DNAH6: variants seen among roughly 807,000 people sequenced by gnomAD.
DNAH6 encodes axonemal beta dynein heavy chain 6.
In DNAH6, 340 loss-of-function variants were observed where a neutral mutation model predicts 491.4. That is an observed-to-expected ratio of 0.69 (90% CI 0.63 to 0.76). DNAH6 has a LOEUF of 0.76. DNAH6 is among the 30% of genes least tolerant of loss of function. The pLI is 0.00. For missense variants in DNAH6, 4,443 were observed against 4,972.2 expected (o/e 0.89, Z 3.20); for synonymous variants, 1,603 against 1,686.1 (o/e 0.95, Z 1.21).
the DNAH6 span, among the ~76,000 whole-genome samples, chr2:84,491,950 T>C: frequency 6.6e-6 from 1 of 152,220 alleles, no homozygotes; most frequent in South Asian, 2.1e-4. Context: ...CACATTCAGG[T>C]CTTCCCCGTT....
the DNAH6 span, among the ~76,000 whole-genome samples, chr2:84,504,469 G>A: frequency 6.6e-6 from 1 of 152,050 alleles, no homozygotes; most frequent in Non-Finnish European, 1.5e-5. Flanking sequence ...ATGCTAGTAC[G>A]TGTTCTTCAG....
intron 48 of DNAH6, among the ~76,000 whole-genome samples, chr2:84,700,372 G>T (rs1354604008): frequency 6.6e-6 from 1 of 152,070 alleles, no homozygotes; most frequent in Non-Finnish European, 1.5e-5. Flanking sequence ...AGGAAGATGT[G>T]GGGGTAAGAG....
At chr2:84,726,397 G>C (rs1206159617) in intron 60 of DNAH6, among the ~76,000 whole-genome samples, 1 of 152,074 alleles carries the variant, frequency 6.6e-6, no homozygotes, top group Non-Finnish European at 1.5e-5. Flanking sequence ...ATCCCTCCTT[G>C]CCCCGTGACT....
Position 84,653,504 on chromosome 2 carries a change from C to T in DNAH6, c.5264C>T (p.Thr1755Ile). The part of the protein sequence containing the change: ...VRHGVMLVGP[T>I]GGGKTTVYRI... ...CATGGTGTTATGTTAGTCGGGCCAA[C>T]AGGAGGCGGCAAGACCACAGTTTAC... Residue 1755 changes from threonine to isoleucine, a missense_variant, in exon 34 of 77, where the codon ACA becomes ATA. By Grantham distance (89) the Thr-to-Ile change is moderately conservative (BLOSUM62 -1). Transcript: ENST00000389394. The T allele has an allele frequency of 6.4e-7, 1 of 1,551,264 alleles. No individual in the cohort carries two copies. Among genetic ancestry groups the T allele is most frequent in the Admixed American group, 2.0e-5 (1 of 50,954 alleles).
chr2:84,699,602 A>G lies in DNAH6; in HGVS notation c.7686A>G (p.Gln2562=), dbSNP rs1209501554. 2 of 1,548,898 alleles carry G rather than the reference A, an allele frequency of 1.3e-6. No homozygotes were observed. The highest frequency in any genetic ancestry group is 2.4e-5 in the East Asian group (1 of 40,910). The part of the protein sequence containing the change: ...ISEGNRDEVF[Q]YFISKVRQKL... ...AACTTTCTTTTTGTCAGGTGTTTCAATACTTTATCAGCAAAGTGCGTCAGA... is the reference window on the plus strand; with the variant it reads ...AACTTTCTTTTTGTCAGGTGTTTCAGTACTTTATCAGCAAAGTGCGTCAGA... Residue 2562 remains glutamine, a synonymous_variant, in exon 48 of 77, where the codon CAA becomes CAG. Transcript: ENST00000389394.
intron 63 of DNAH6, among the ~76,000 whole-genome samples, chr2:84,761,252 A>G (rs907769723): frequency 1.3e-5 from 2 of 152,134 alleles, no homozygotes; most frequent in Non-Finnish European, 2.9e-5. Context: ...TCTCACTCAG[A>G]AGGGAGAGCT....
chr2:84,488,104 T>C, the DNAH6 span, among the ~76,000 whole-genome samples: 1 of 152,112 alleles, frequency 6.6e-6, no homozygotes, highest in Non-Finnish European at 1.5e-5. Context: ...AGAAAATAAT[T>C]CATCCATGCT....
intron 46 of DNAH6, among the ~76,000 whole-genome samples, chr2:84,696,930 T>A (rs1302305422): frequency 6.6e-6 from 1 of 152,124 alleles, no homozygotes; most frequent in Non-Finnish European, 1.5e-5. Flanking sequence ...TATTTTCCCT[T>A]GCTAATAATC....
intron 29 of DNAH6, among the ~76,000 whole-genome samples, chr2:84,629,323 A>G (rs1010492187): frequency 2.0e-5 from 3 of 152,304 alleles, no homozygotes; most frequent in East Asian, 1.9e-4. Flanking sequence ...TATTGACTCA[A>G]TAAGGACAAA....
chr2:84,476,708 C>A, the DNAH6 span, among the ~76,000 whole-genome samples: 1 of 152,134 alleles, frequency 6.6e-6, no homozygotes, highest in Admixed American at 6.6e-5. Flanking sequence ...AAATCTCTGC[C>A]AATTCTCTCC....
chr2:84,774,468 CT>C (rs1700305151), intron 64 of DNAH6, among the ~76,000 whole-genome samples: 1 of 152,002 alleles, frequency 6.6e-6, no homozygotes, highest in Non-Finnish European at 1.5e-5. Flanking sequence ...TTACTGTAGC[CT>C]TATAGTACAG....
At chr2:84,685,209 G>C in intron 42 of DNAH6, 117 bp from the exon 43 acceptor site, 1 of 648,340 alleles carries the variant, frequency 1.5e-6, no homozygotes, top group Non-Finnish European at 2.4e-6. Flanking sequence ...TGGGGAAGCA[G>C]TCATTTTTGG....
At chr2:84,527,225 G>A (rs1029736472) in intron 3 of DNAH6, among the ~76,000 whole-genome samples, 2 of 152,072 alleles carry the variant, frequency 1.3e-5, no homozygotes, top group South Asian at 2.1e-4. Flanking sequence ...CGAATCAGAC[G>A]GGGCATCCAT....
At chr2:84,681,753 AAAAAT>A (rs955115418) in intron 42 of DNAH6, among the ~76,000 whole-genome samples, 1 of 151,768 alleles carries the variant, frequency 6.6e-6, no homozygotes, top group African/African-American at 2.4e-5. Context: ...AAAAAAAAAA[AAAAAT>A]AGAAGCAGTT....
chr2:84,564,658 T>C (rs572723526), intron 11 of DNAH6, among the ~76,000 whole-genome samples: 68 of 152,270 alleles, frequency 4.5e-4, no homozygotes, highest in African/African-American at 1.5e-3. Flanking sequence ...ATTTCTTCCC[T>C]TCCTATTTGT....
At chr2:84,547,680 T>C (rs1361589512) in intron 7 of DNAH6, 68 bp downstream of exon 7, 4 of 1,455,638 alleles carry the variant, frequency 2.7e-6, no homozygotes, top group African/African-American at 2.9e-5. Context: ...CCTTTTTTAT[T>C]TGACTTTTCT....
rs748641131 is a variant in DNAH6 at position 84,529,153 on chromosome 2, A to G, written c.649A>G (p.Thr217Ala). Residue 217 changes from threonine (T) to alanine (A), a missense_variant, in exon 4 of 77, where the codon ACA becomes GCA. Thr to Ala is a moderately conservative substitution (Grantham distance 58). Transcript: ENST00000389394. ...AVPRSSIEYDTYNLKVVSYEN... is the reference protein window; with the variant it reads ...AVPRSSIEYDAYNLKVVSYEN... ...GCCAAGATCATCCATTGAATATGAT[A>G]CATATAATCTAAAGTGAGTTATTTT... 2 of 1,544,008 alleles carry G rather than the reference A, an allele frequency of 1.3e-6. No individual in the cohort carries two copies. Among genetic ancestry groups the G allele is most frequent in the South Asian group, 2.4e-5 (2 of 83,586 alleles).
In DNAH6 at chr2:84,624,590, A is replaced by C. The variant is rs757548479; in HGVS notation, c.4323A>C (p.Ala1441=). ...QYTYGYEYLG[A]CPRLVITPLT... is the part of the protein sequence containing the mutation. ...CTTATGGCTATGAATATTTGGGTGC[A>C]TGCCCAAGATTGGTTATTACTCCAC... Residue 1441 remains alanine, a synonymous_variant, in exon 28 of 77, where the codon GCA becomes GCC. Coordinates refer to ENST00000389394, the MANE Select transcript of DNAH6 (RefSeq NM_001370.2). 1.3e-6 allele frequency: 2 copies of C among 1,551,486 alleles called. No individual in the cohort carries two copies. Among genetic ancestry groups the C allele is most frequent in the South Asian group, 1.2e-5 (1 of 84,046 alleles).
chr2:84,523,072 A>C (rs1676298046), intron 2 of DNAH6, among the ~76,000 whole-genome samples: 1 of 151,982 alleles, frequency 6.6e-6, no homozygotes, highest in African/African-American at 2.4e-5. Context: ...ATCTGGTAGA[A>C]TTTGGCTGTG....
Sources: allele counts gnomAD v4.1 joint callset (sites outside exome capture counted in the v4.1 genomes callset), GRCh38; gene constraint gnomAD v4.1.1; transcripts MANE v1.5; gene names NCBI Gene and HGNC (gene_info 2026-07-23, HGNC 2026-07-21).